Variants in COL5A1 observed in about 807,000 individuals in gnomAD.
COL5A1 encodes collagen alpha-1(V) chain.
COL5A1 carries 16 observed loss-of-function variants against 263.7 expected under a neutral mutation model. The observed-to-expected ratio is 0.06, with a 90% CI of 0.04 to 0.09. The LOEUF (loss-of-function observed/expected upper bound fraction) is 0.09. Ranked by LOEUF, COL5A1 falls within the 10% of genes least tolerant of loss-of-function variation. COL5A1 has a pLI of 1.00. For synonymous variants in COL5A1, 1,012 were observed against 1,004.5 expected, an observed-to-expected ratio of 1.01 and a Z score of -0.14; for missense variants, 2,036 against 2,540.5, an observed-to-expected ratio of 0.80 and a Z score of 4.27.
In COL5A1 at chr9:134,842,599, G is replaced by GC. The variant is rs1215563913; in HGVS notation, c.*302dup. 5.6e-6 allele frequency: 3 copies of GC among 537,832 alleles called. No individual in the cohort carries two copies. Among genetic ancestry groups the GC allele is most frequent in the Admixed American group, 3.3e-5 (1 of 30,308 alleles). The allele number at this position is 537,832 out of a possible 1,614,324, so 33.3% of individuals were successfully genotyped here. A position where few individuals can be genotyped will look rare whatever the true frequency, so the allele number is the denominator to read the frequency against. On this transcript the variant is annotated 3_prime_UTR_variant, in exon 66 of 66. Coordinates refer to ENST00000371817, the MANE Select transcript of COL5A1 (RefSeq NM_000093.5). This position sits in a 1 kb window ranked among gnomAD's most constrained non-coding sequence, Gnocchi z 5.8. ...CCCCGGGAGCGGGGCCATGCCTCCA[G>GC]CCCCCCAGCTCGCCCGACCCATCCT...
chr9:134,667,412 G>C (rs990925808), intron 1 of COL5A1, among the ~76,000 whole-genome samples: 2 of 152,226 alleles, frequency 1.3e-5, no homozygotes, highest in Non-Finnish European at 2.9e-5. Context: ...GACAGCATTT[G>C]CAGTGGGATG....
rs141666036 is a variant in COL5A1, at chr9:134,785,067, C to T, written c.2563C>T (p.Pro855Ser). The change falls in exon 30 of 66, where the codon CCC becomes TCC. Residue 855 changes from proline to serine, a missense_variant. Pro to Ser is a moderately conservative substitution (Grantham distance 74). This residue lies in a region of COL5A1 where 1,078 missense variants were observed against 1,521.4 expected (regional missense o/e 0.71). Transcript: ENST00000371817. ...PKGRGGPNGD[P>S]GPLGPPGEKG... ...GGGTCGCGGAGGTCCCAATGGTGAC[C>T]CCGGTCCTCTGGGACCCCCTGGGGA... 8 of 1,613,284 alleles carry T rather than the reference C, an allele frequency of 5.0e-6. No homozygotes were observed. Among genetic ancestry groups the T allele is most frequent in the Non-Finnish European group, 6.8e-6 (8 of 1,179,900 alleles).
At chr9:134,693,766 C>A (rs1044786018) in intron 2 of COL5A1, among the ~76,000 whole-genome samples, 1 of 152,244 alleles carries the variant, frequency 6.6e-6, no homozygotes, top group Non-Finnish European at 1.5e-5. Flanking sequence ...GGCTTGTGGG[C>A]CCCTCAGTGG....
At position 134,766,818 on chromosome 9, in the gene COL5A1, G is replaced by C. The variant is rs76511953; in HGVS notation, c.2134-182G>C. Among the ~76,000 whole-genome samples, 877 of 152,300 alleles carry C rather than the reference G, an allele frequency of 5.8e-3. 12 individuals are homozygous for C. Among genetic ancestry groups the C allele is most frequent in the African/African-American group, 0.02 (840 of 41,556 alleles). ...ATCAGAGTCAACCTCCACAGCCTCA[G>C]AGGCGCTGAGTCCTGGGGCTGCTCT... On this transcript the variant is annotated intron_variant, in intron 22 of 65. Coordinates refer to ENST00000371817, the MANE Select transcript of COL5A1 (RefSeq NM_000093.5).
intron 45 of COL5A1, 42 bp downstream of exon 45, chr9:134,811,434 C>A (rs1211167063): frequency 6.2e-7 from 1 of 1,613,310 alleles, no homozygotes; most frequent in Admixed American, 1.7e-5. Flanking sequence ...GCCCCACGCC[C>A]CCCCAGAGCT....
At position 134,754,438 on chromosome 9, in the gene COL5A1, G is replaced by C; in HGVS notation, c.1827+112G>C. ...CAGCTGGGCCACATGAAGCCAGGTG[G>C]CTCCCCTTCTTGTGATGGGTGCGTC... On this transcript the variant is annotated intron_variant, in intron 16 of 65. Coordinates refer to ENST00000371817, the MANE Select transcript of COL5A1 (RefSeq NM_000093.5). This position sits in a 1 kb window ranked among gnomAD's most constrained non-coding sequence, Gnocchi z 4.3. The C allele has an allele frequency of 7.9e-7, 1 of 1,269,488 alleles. No individual in the cohort carries two copies. 78.6% of individuals were successfully genotyped at this position (1,269,488 alleles called of 1,614,324 possible).
chr9:134,756,665 C>A, intron 16 of COL5A1, 100 bp from the exon 17 acceptor site: 1 of 1,320,620 alleles, frequency 7.6e-7, no homozygotes, highest in South Asian at 1.2e-5. Flanking sequence ...GGGCGCGGCT[C>A]TGGTGGAACG....
At chr9:134,813,419 C>T (rs575820586) in intron 48 of COL5A1, among the ~76,000 whole-genome samples, 1 of 152,310 alleles carries the variant, frequency 6.6e-6, no homozygotes, top group Non-Finnish European at 1.5e-5. Context: ...TTGGAAGACG[C>T]CTTCCACCGC....
chr9:134,840,169 G>C (rs543624405), intron 65 of COL5A1, among the ~76,000 whole-genome samples: 1 of 152,366 alleles, frequency 6.6e-6, no homozygotes, highest in African/African-American at 2.4e-5. Context: ...CTGGGCAGGG[G>C]TCAGAGCTGT....
intron 60 of COL5A1, 65 bp downstream of exon 60, chr9:134,823,098 G>C (rs1195203356): frequency 3.8e-6 from 6 of 1,566,856 alleles, no homozygotes; most frequent in Admixed American, 3.4e-5. Context: ...GGGTCCCCTG[G>C]CACGGGAACA....
At chr9:134,798,216 G>A (rs1837985117) in intron 36 of COL5A1, among the ~76,000 whole-genome samples, 192 bp from the exon 37 acceptor site, 1 of 152,204 alleles carries the variant, frequency 6.6e-6, no homozygotes, top group Admixed American at 6.5e-5. Context: ...TTTTGTACGA[G>A]GACAGGCAGG....
intron 42 of COL5A1, among the ~76,000 whole-genome samples, chr9:134,807,717 G>GT (rs763171045): frequency 6.6e-6 from 1 of 152,212 alleles, no homozygotes; most frequent in African/African-American, 2.4e-5. Context: ...TTGAGAATCT[G>GT]TTCAATACAT....
rs758336822 is a variant in COL5A1 at position 134,802,992 on chromosome 9, G to A, written c.3111G>A (p.Thr1037=). The A allele has an allele frequency of 5.9e-5, 94 of 1,597,828 alleles. No individual in the cohort carries two copies. The highest frequency in any genetic ancestry group is 1.7e-4 in the Middle Eastern group (1 of 6,060). The change falls in exon 39 of 66, where the codon ACG becomes ACA. Residue 1037 remains threonine (T), a synonymous_variant. Transcript: ENST00000371817. ...GLPGLAGKEG[T]KGDPGPAGLP... The stretch of plus-strand genomic sequence containing the variant: ...CGGGCCTTGCTGGAAAAGAAGGGAC[G>A]AAGGTGAGTTTCTGGAGCCTTCTGT...
rs763727777 is a variant in COL5A1, at chr9:134,728,886, T to C, written c.924+79T>C. Reference sequence around the variant, plus strand: ...AGGGGAGGGCGAGGCCAGGAGAGGTTGTGTCAGGGTAGAGGGTTGGGGGCT... The same window carrying C: ...AGGGGAGGGCGAGGCCAGGAGAGGTCGTGTCAGGGTAGAGGGTTGGGGGCT... On this transcript the variant is annotated intron_variant, in intron 6 of 65. Transcript: ENST00000371817. 22 of 1,583,572 alleles carry C rather than the reference T, an allele frequency of 1.4e-5. No homozygotes were observed. In the Admixed American group the frequency reaches 2.2e-4, roughly 16 times the overall value.
chr9:134,748,108 T>C (rs2132676532), intron 11 of COL5A1, among the ~76,000 whole-genome samples: 1 of 78,334 alleles, frequency 1.3e-5, no homozygotes, highest in Middle Eastern at 7.2e-3. Flanking sequence ...CATCCACACA[T>C]GCATACACAG....
chr9:134,731,417 G>A, intron 7 of COL5A1, 79 bp from the exon 8 acceptor site: 2 of 1,463,392 alleles, frequency 1.4e-6, no homozygotes, highest in Non-Finnish European at 1.9e-6. Flanking sequence ...GATAGCCACA[G>A]TGCCCGCCCA....
intron 1 of COL5A1, among the ~76,000 whole-genome samples, chr9:134,653,001 T>G (rs550979353): frequency 5.3e-4 from 81 of 152,052 alleles, no homozygotes; most frequent in African/African-American, 1.8e-3. Context: ...CCCAGGGTCT[T>G]GGATTTCAGC....
intron 27 of COL5A1, among the ~76,000 whole-genome samples, chr9:134,777,822 C>CA (rs1399517282): frequency 6.6e-6 from 1 of 152,198 alleles, no homozygotes; most frequent in Non-Finnish European, 1.5e-5. Flanking sequence ...GCCAGCCACA[C>CA]AAACCCAGTC....
chr9:134,731,466 G>A (rs747923745), intron 7 of COL5A1, 30 bp from the exon 8 acceptor site: 10 of 1,612,878 alleles, frequency 6.2e-6, no homozygotes, highest in Non-Finnish European at 8.5e-6. Flanking sequence ...CGTTTGCGAG[G>A]CAACCCTGCG....
Sources: allele counts gnomAD v4.1 joint callset (sites outside exome capture counted in the v4.1 genomes callset), GRCh38; gene constraint gnomAD v4.1.1; regional missense constraint gnomAD v4.1.1; non-coding constraint Gnocchi (gnomAD v3.1); transcripts MANE v1.5; gene names NCBI Gene and HGNC (gene_info 2026-07-23, HGNC 2026-07-21).